Variants in ZNF227 observed in about 807,000 individuals in gnomAD.
ZNF227 encodes zinc finger protein 227.
A neutral mutation model predicts 13.2 loss-of-function variants in ZNF227; 12 were observed. The observed-to-expected ratio is 0.91, with a 90% confidence interval of 0.58 to 1.47. The LOEUF is 1.47. Among genes scored for constraint, ZNF227 ranks in the 40% most tolerant of loss-of-function variants. The probability of loss-of-function intolerance (pLI) is 0.00; values close to 1 mark genes in which losing one functional copy is unlikely to be tolerated. For missense variants in ZNF227, 885 were observed against 967.5 expected (o/e 0.91, Z 1.13); for synonymous variants, 338 against 326.0 (o/e 1.04, Z -0.40).
At position 44,235,110 on chromosome 19, in the gene ZNF227, A is replaced by G; in HGVS notation, c.680A>G (p.Lys227Arg). The change falls in exon 6 of 6, where the codon AAA (lysine) becomes AGA (arginine). Residue 227 changes from lysine (K) to arginine (R), a missense_variant. Physicochemically the swap from Lys to Arg is conservative, Grantham distance 26. Transcript: ENST00000313040. Reference protein sequence around the residue: ...IKTDTEPKPCKGNEYGKIISD... With the variant: ...IKTDTEPKPCRGNEYGKIISD... ...ACTGACACAGAACCAAAACCCTGCA[A>G]AGGTAATGAATATGGCAAAATCATT... 6.2e-7 allele frequency: 1 copy of G among 1,614,158 alleles called. No individual in the cohort carries two copies. Among genetic ancestry groups the G allele is most frequent in the South Asian group, 1.1e-5 (1 of 91,064 alleles).
At chr19:44,215,098 C>G (rs1971728946) in intron 2 of ZNF227, among the ~76,000 whole-genome samples, 1 of 151,922 alleles carries the variant, frequency 6.6e-6, no homozygotes, top group East Asian at 1.9e-4. Flanking sequence ...AATTATCTTC[C>G]GTGAAACTGG....
upstream of ZNF227, chr19:44,212,379 T>TC (rs1165710577): frequency 2.3e-5 from 1 of 43,588 alleles, no homozygotes; most frequent in African/African-American, 5.3e-5. Context: ...TTTTTTTTTG[T>TC]TTTTTTTTTT....
At chr19:44,215,989 T>TAAA (rs1276832695) in intron 2 of ZNF227, among the ~76,000 whole-genome samples, 2,589 of 37,264 alleles carry the variant, frequency 0.069, 222 homozygotes, top group Admixed American at 0.15. Flanking sequence ...ACTCTCTCTC[T>TAAA]AAAAAAAAAA....
intron 3 of ZNF227, among the ~76,000 whole-genome samples, chr19:44,226,843 C>T (rs1413214601): frequency 6.6e-6 from 1 of 152,184 alleles, no homozygotes; most frequent in Non-Finnish European, 1.5e-5. Context: ...GATGGAAATG[C>T]AGAAATCACC....
At chr19:44,226,017 G>C (rs1044577203) in intron 3 of ZNF227, among the ~76,000 whole-genome samples, 3 of 152,194 alleles carry the variant, frequency 2.0e-5, no homozygotes, top group Non-Finnish European at 4.4e-5. Context: ...GTTGGAGTTT[G>C]CTAGAGGTCC....
In ZNF227 at chr19:44,217,773, G is replaced by A. The variant is rs763738125; in HGVS notation, c.-2-18G>A. ...TAACAGCAGGCTTGTGTCTCATGGCGTCTTTGGTCTCCCCCAGTTATGCCA... is the reference window on the plus strand; with the variant it reads ...TAACAGCAGGCTTGTGTCTCATGGCATCTTTGGTCTCCCCCAGTTATGCCA... On this transcript the variant is annotated intron_variant, in intron 2 of 5. Transcript: ENST00000313040. 32 of 1,614,100 alleles carry A rather than the reference G, an allele frequency of 2.0e-5. No homozygotes were observed. Among genetic ancestry groups the A allele is most frequent in the South Asian group, 4.4e-5 (4 of 91,076 alleles).
chr19:44,229,455 T>C (rs529003211), intron 4 of ZNF227, among the ~76,000 whole-genome samples: 2 of 152,134 alleles, frequency 1.3e-5, no homozygotes, highest in East Asian at 3.9e-4. Context: ...CTACTAAAAA[T>C]GCAAAAATTA....
chr19:44,213,609 G>A (rs1356270133), intron 2 of ZNF227: 5 of 152,050 alleles, frequency 3.3e-5, no homozygotes, highest in African/African-American at 1.2e-4. Context: ...GTTTGTTTTT[G>A]TTTCTTTGGT....
chr19:44,217,855 AC>A lies in ZNF227; in HGVS notation c.60+4del. ...AGGAGAAAATGACCAAGTTTCAGGT[AC>A]GTAAAGGATTCCTTGCTGTCTTTTA... On this transcript the variant is annotated splice_donor_region_variant and intron_variant, in intron 3 of 5. Coordinates refer to ENST00000313040, the MANE Select transcript of ZNF227 (RefSeq NM_182490.3). The A allele has an allele frequency of 6.2e-7, 1 of 1,614,104 alleles. No homozygotes were observed. The highest frequency in any genetic ancestry group is 8.5e-7 in the Non-Finnish European group (1 of 1,179,910).
Position 44,229,788 on chromosome 19 carries a change from T to C in ZNF227, c.243T>C (p.Leu81=), listed in dbSNP as rs774084293. The stretch of plus-strand genomic sequence containing the variant: ...CCCAATTGGAAGCAGAAGAAAAGCT[T>C]TGGATGATGGAAACAGAAACCCAAA... ...MVSQLEAEEK[L]WMMETETQRS... The change falls in exon 5 of 6, where the codon CTT becomes CTC. Residue 81 remains leucine, a synonymous_variant. Coordinates refer to ENST00000313040, the MANE Select transcript of ZNF227 (RefSeq NM_182490.3). 2 of 1,586,688 alleles carry C rather than the reference T, an allele frequency of 1.3e-6. No homozygotes were observed. Among genetic ancestry groups the C allele is most frequent in the South Asian group, 2.3e-5 (2 of 87,270 alleles).
intron 3 of ZNF227, chr19:44,227,293 T>A (rs982413131): frequency 6.6e-6 from 1 of 152,236 alleles, no homozygotes; most frequent in African/African-American, 2.4e-5. Context: ...TCACCCAGGC[T>A]GGAGTGCAGT....
intron 3 of ZNF227, among the ~76,000 whole-genome samples, chr19:44,226,057 C>T (rs1027681156): frequency 1.3e-5 from 2 of 152,080 alleles, no homozygotes; most frequent in Non-Finnish European, 2.9e-5. Context: ...TGGGTATCAG[C>T]AGCGGTGGCT....
chr19:44,215,944 T>A (rs1478065811), intron 2 of ZNF227, among the ~76,000 whole-genome samples: 1 of 135,964 alleles, frequency 7.4e-6, no homozygotes, highest in Non-Finnish European at 1.5e-5. Context: ...GCTGAGATTG[T>A]GCCATTGCAC....
chr19:44,228,323 AT>A (rs751917369), intron 3 of ZNF227, 122 bp from the exon 4 acceptor site: 12 of 1,127,154 alleles, frequency 1.1e-5, no homozygotes, highest in African/African-American at 1.6e-5. Flanking sequence ...ACAGCTGAAA[AT>A]TGACTGAGAT....
intron 5 of ZNF227, among the ~76,000 whole-genome samples, chr19:44,232,995 A>AT (rs1974006045): frequency 6.6e-6 from 1 of 151,902 alleles, no homozygotes; most frequent in Non-Finnish European, 1.5e-5. Context: ...TGCCATGTAC[A>AT]TTAACTATTC....
chr19:44,229,815 A>T lies in ZNF227; in HGVS notation c.270A>T (p.Arg90Ser). The T allele has an allele frequency of 6.4e-7, 1 of 1,562,156 alleles. No individual in the cohort carries two copies. The highest frequency in any genetic ancestry group is 1.2e-5 in the South Asian group (1 of 83,272). The change falls in exon 5 of 6, where the codon AGA becomes AGT. Residue 90 changes from arginine to serine, a missense_variant and splice_region_variant. Physicochemically the swap from Arg to Ser is moderately radical, Grantham distance 110. Coordinates refer to ENST00000313040, the MANE Select transcript of ZNF227 (RefSeq NM_182490.3). Reference protein sequence around the residue: ...KLWMMETETQRSSKHQNKMET... With the variant: ...KLWMMETETQSSSKHQNKMET... ...GGATGATGGAAACAGAAACCCAAAG[A>T]AGTAGGTATTCTGGTGAGAACCCTG...
rs767103761 is a variant in ZNF227 at position 44,236,328 on chromosome 19, A to G, written c.1898A>G (p.Lys633Arg). The G allele has an allele frequency of 2.5e-6, 4 of 1,613,800 alleles. No individual in the cohort carries two copies. The highest frequency in any genetic ancestry group is 2.2e-5 in the East Asian group (1 of 44,870). ...QRVHTGEKPY[K>R]CGVCGKGFSQ... ...GTCCATACTGGAGAGAAGCCATACA[A>G]ATGTGGTGTCTGTGGTAAGGGCTTC... Residue 633 changes from lysine to arginine, a missense_variant, in exon 6 of 6, where the codon AAA becomes AGA. Transcript: ENST00000313040.
At chr19:44,219,004 C>G (rs1972169374) in intron 3 of ZNF227, among the ~76,000 whole-genome samples, 1 of 152,212 alleles carries the variant, frequency 6.6e-6, no homozygotes, top group South Asian at 2.1e-4. Flanking sequence ...TCTCCTGCCT[C>G]AGCCTCCCAA....
intron 5 of ZNF227, among the ~76,000 whole-genome samples, chr19:44,233,155 G>A (rs1974030341): frequency 6.6e-6 from 1 of 151,658 alleles, no homozygotes; most frequent in African/African-American, 2.4e-5. Flanking sequence ...CAAATTATTT[G>A]ATTAGGACTT....
Sources: gnomAD v4.1 joint callset for allele counts (sites outside exome capture counted in the v4.1 genomes callset) on GRCh38, gnomAD v4.1.1 for gene constraint, MANE v1.5 for transcripts, NCBI Gene and HGNC (gene_info 2026-07-23, HGNC 2026-07-21) for gene names.